The following RERG variants were observed in gnomAD, a reference collection of about 807,000 sequenced individuals.
RERG encodes the protein RAS like estrogen regulated growth inhibitor, also known as ras-related and estrogen-regulated growth inhibitor.
A neutral mutation model predicts 23.2 loss-of-function variants in RERG; 25 were observed. That is an observed-to-expected ratio of 1.08 (90% CI 0.79 to 1.50). The LOEUF (loss-of-function observed/expected upper bound fraction) is 1.50. Among genes scored for constraint, RERG ranks in the 40% most tolerant of loss-of-function variants. The pLI is 0.00. For missense variants in RERG, 253 were observed against 250.1 expected (o/e 1.01, Z -0.08); for synonymous variants, 81 against 89.1 (o/e 0.91, Z 0.51).
At chr12:15,132,467 C>A (rs969531867) in intron 2 of RERG, among the ~76,000 whole-genome samples, 1 of 152,142 alleles carries the variant, frequency 6.6e-6, no homozygotes, top group African/African-American at 2.4e-5. Context: ...ATGGTTGCTC[C>A]CAGTTTTTGG....
intron 4 of RERG, among the ~76,000 whole-genome samples, chr12:15,110,389 T>C (rs1863582877): frequency 6.6e-6 from 1 of 151,306 alleles, no homozygotes; most frequent in African/African-American, 2.4e-5. Flanking sequence ...TTCAAGTCTT[T>C]TTGGGGGTCA....
chr12:15,145,919 AT>A (rs1864324337), intron 2 of RERG, among the ~76,000 whole-genome samples: 1 of 152,254 alleles, frequency 6.6e-6, no homozygotes, highest in Non-Finnish European at 1.5e-5. Context: ...GTTGCTTTCC[AT>A]GCCTACGGTG....
chr12:15,184,528 C>A (rs780675482), intron 2 of RERG, among the ~76,000 whole-genome samples: 13 of 152,156 alleles, frequency 8.5e-5, no homozygotes, highest in Non-Finnish European at 1.6e-4. Flanking sequence ...CTTTTCCCCC[C>A]ACTTACACTA....
chr12:15,147,577 T>C (rs1395556402), intron 2 of RERG, among the ~76,000 whole-genome samples: 1 of 152,230 alleles, frequency 6.6e-6, no homozygotes, highest in East Asian at 1.9e-4. Context: ...TCTGAAATTA[T>C]GCCCACTAAT....
rs61907970 is a variant in RERG, at chr12:15,166,523, A to G, written c.62-45404T>C. Among the ~76,000 whole-genome samples the G allele has an allele frequency of 2.8e-3, 421 of 148,942 alleles. 1 individual carries two copies. The highest frequency in any genetic ancestry group is 7.7e-3 in the East Asian group (39 of 5,086). On this transcript the variant is annotated intron_variant, in intron 2 of 4. Transcript: ENST00000256953. ...GATGGGGATGGTGGTGATGGTGGTG[A>G]TGGTGGTGGTGGTGGTGGTAGTGGT...
intron 3 of RERG, among the ~76,000 whole-genome samples, chr12:15,119,924 T>C (rs7980517): frequency 0.68 from 102,836 of 152,010 alleles, 34,907 homozygotes; most frequent in Admixed American, 0.75. Context: ...TGAGGAAAGA[T>C]GTTCTCTACA....
chr12:15,211,556 G>A (rs748135505), intron 2 of RERG, among the ~76,000 whole-genome samples: 1 of 152,132 alleles, frequency 6.6e-6, no homozygotes, highest in Non-Finnish European at 1.5e-5. Flanking sequence ...CCAAGGCATT[G>A]GTCATAGGGT....
intron 2 of RERG, among the ~76,000 whole-genome samples, chr12:15,133,578 T>C (rs1009177358): frequency 3.3e-5 from 5 of 152,160 alleles, no homozygotes; most frequent in Non-Finnish European, 7.4e-5. Flanking sequence ...TGTAGGGACA[T>C]ACATTTTCAG....
intron 2 of RERG, among the ~76,000 whole-genome samples, chr12:15,180,415 G>A (rs1238327777): frequency 6.6e-6 from 1 of 152,058 alleles, no homozygotes; most frequent in East Asian, 1.9e-4. Flanking sequence ...GGAGAGCTGG[G>A]GTCCTGAGTT....
At chr12:15,110,481 T>C (rs1353986939) in intron 4 of RERG, among the ~76,000 whole-genome samples, 4 of 129,096 alleles carry the variant, frequency 3.1e-5, no homozygotes, top group Non-Finnish European at 6.6e-5. Flanking sequence ...TTTTTTTTTT[T>C]TTTTTTTTTT....
rs774604858 is a variant in RERG, at chr12:15,108,826, C to A, written c.*284G>T. On this transcript the variant is annotated 3_prime_UTR_variant, in exon 5 of 5. Transcript: ENST00000256953. ...CCTACTTAAAGCAAGGTGAAGATGC[C>A]TAAAAATAGCTTAACATAAACCAGT... 3.0e-5 allele frequency: 9 copies of A among 299,356 alleles called. No individual in the cohort carries two copies. The highest frequency in any genetic ancestry group is 5.1e-5 in the Admixed American group (1 of 19,744). 18.5% of individuals were successfully genotyped at this position (299,356 alleles called of 1,614,324 possible).
intron 2 of RERG, among the ~76,000 whole-genome samples, chr12:15,143,906 T>C (rs181701408): frequency 7.7e-4 from 117 of 152,212 alleles, no homozygotes; most frequent in Non-Finnish European, 1.5e-3. Flanking sequence ...GAGCCATCCA[T>C]GTATCTGGGG....
At chr12:15,173,163 G>C (rs1321292248) in intron 2 of RERG, among the ~76,000 whole-genome samples, 1 of 151,970 alleles carries the variant, frequency 6.6e-6, no homozygotes, top group East Asian at 1.9e-4. Context: ...GATAGTGTGA[G>C]GTACAGGTCC....
Position 15,117,133 on chromosome 12 carries a change from C to T in RERG, c.118+3930G>A, listed in dbSNP as rs11835263. ...ATATTGCATGTGGTTAATCTTTTTA[C>T]TGATTTAGCTTTTTTTTTTTTTGCG... On this transcript the variant is annotated intron_variant, in intron 3 of 4. Coordinates refer to ENST00000256953, the MANE Select transcript of RERG (RefSeq NM_032918.3). 7.9e-3 allele frequency among the ~76,000 whole-genome samples: 946 copies of T among 119,138 alleles called. 9 individuals are homozygous for T. Among genetic ancestry groups the T allele is most frequent in the African/African-American group, 0.029 (902 of 30,924 alleles). The allele number at this position is 119,138 out of a possible 152,430, so 78.2% of individuals were successfully genotyped here.
At chr12:15,166,212 GC>G (rs1056061193) in intron 2 of RERG, among the ~76,000 whole-genome samples, 4 of 152,240 alleles carry the variant, frequency 2.6e-5, no homozygotes, top group African/African-American at 9.6e-5. Flanking sequence ...GGGCAGAGTA[GC>G]AAGGAGGCCT....
chr12:15,219,903 T>C (rs1443914907), intron 1 of RERG, among the ~76,000 whole-genome samples: 1 of 152,160 alleles, frequency 6.6e-6, no homozygotes, highest in Non-Finnish European at 1.5e-5. Flanking sequence ...GAATTTCACA[T>C]AAGAAAGAGA....
chr12:15,132,972 TCCCTGCCCCCG>T (rs1864075751), intron 2 of RERG, among the ~76,000 whole-genome samples: 2 of 134,044 alleles, frequency 1.5e-5, no homozygotes, highest in Admixed American at 7.6e-5. Flanking sequence ...CTCCCTGCCC[TCCCTGCCCCCG>T]CCCTGCCCCC....
intron 3 of RERG, among the ~76,000 whole-genome samples, chr12:15,115,898 C>T (rs1424231965): frequency 6.6e-6 from 1 of 152,058 alleles, no homozygotes; most frequent in African/African-American, 2.4e-5. Flanking sequence ...TTGCCATAAG[C>T]ACGGCACATT....
chr12:15,145,439 T>A (rs1864315527), intron 2 of RERG, among the ~76,000 whole-genome samples: 1 of 152,162 alleles, frequency 6.6e-6, no homozygotes, highest in Admixed American at 6.5e-5. Flanking sequence ...GGAGGAACAA[T>A]AAGGACCACT....
Sources: gnomAD v4.1 joint callset for allele counts (sites outside exome capture counted in the v4.1 genomes callset) on GRCh38, gnomAD v4.1.1 for gene constraint, MANE v1.5 for transcripts, NCBI Gene and HGNC (gene_info 2026-07-23, HGNC 2026-07-21) for gene names.